LRRC4B: variants seen among roughly 807,000 people sequenced by gnomAD.
The protein encoded by LRRC4B is leucine-rich repeat-containing protein 4B.
Under a neutral mutation model 7.3 loss-of-function variants are expected in LRRC4B, and 1 was observed. The observed-to-expected ratio is 0.14, with a 90% CI of 0.05 to 0.65. The LOEUF (loss-of-function observed/expected upper bound fraction) is 0.65, where lower values mean the gene tolerates loss of function less well. LRRC4B is among the 30% of genes least tolerant of loss of function. The pLI is 0.84. For synonymous variants in LRRC4B, 500 were observed against 499.2 expected, an observed-to-expected ratio of 1.00 and a Z score of -0.02; for missense variants, 730 against 1,041.6, an observed-to-expected ratio of 0.70 and a Z score of 4.12.
chr19:50,566,291 C>T (rs1001326460), intron 1 of LRRC4B, among the ~76,000 whole-genome samples: 1 of 151,366 alleles, frequency 6.6e-6, no homozygotes, highest in Non-Finnish European at 1.5e-5. Flanking sequence ...CTGGCGGCTG[C>T]GCGGCCGGGA....
intron 2 of LRRC4B, among the ~76,000 whole-genome samples, chr19:50,544,824 G>A (rs1981728092): frequency 6.6e-6 from 1 of 152,184 alleles, no homozygotes; most frequent in Non-Finnish European, 1.5e-5. Flanking sequence ...GGAGGCCAAG[G>A]TGGGTGAATT....
Position 50,517,726 on chromosome 19 carries a change from G to A in LRRC4B, c.1987C>T (p.His663Tyr), listed in dbSNP as rs1307668906. ...TTGAAGGCGGCAGCCACGTAGTGGT[G>A]GTGGTTGAGGTGGTCTCGCTCCAGG... ...PALERDHLNH[H>Y]HYVAAAFKAH... Residue 663 changes from histidine (H) to tyrosine (Y), a missense_variant, in exon 3 of 3, where the codon CAC becomes TAC. His to Tyr is a moderately conservative substitution (Grantham distance 83). Around this residue, in one of 6 missense-constraint regions of LRRC4B, gnomAD observed 160 missense variants for 163.9 expected, o/e 0.98. Transcript: ENST00000652263. This position sits in a 1 kb window ranked among gnomAD's most constrained non-coding sequence, Gnocchi z 6.6. 3.2e-6 allele frequency: 5 copies of A among 1,547,182 alleles called. No homozygotes were observed. Among genetic ancestry groups the A allele is most frequent in the Non-Finnish European group, 4.4e-6 (5 of 1,148,494 alleles).
intron 2 of LRRC4B, among the ~76,000 whole-genome samples, chr19:50,522,758 G>A (rs989672503): frequency 3.3e-5 from 5 of 152,188 alleles, no homozygotes; most frequent in Non-Finnish European, 5.9e-5. Flanking sequence ...GATTACCGGC[G>A]TGAGCCACCT....
chr19:50,548,400 G>T lies in LRRC4B; in HGVS notation c.297+142C>A. On this transcript the variant is annotated intron_variant, in intron 2 of 2. Transcript: ENST00000652263. This position sits in a 1 kb window ranked among gnomAD's most constrained non-coding sequence, Gnocchi z 6.8. ...CTCGGGAGCCCGGCTCCAGCTGATAGGATGCAGACCCGCAGGCCACATCCA... is the reference window on the plus strand; with the variant it reads ...CTCGGGAGCCCGGCTCCAGCTGATATGATGCAGACCCGCAGGCCACATCCA... 1 of 1,188,032 alleles carries T rather than the reference G, an allele frequency of 8.4e-7. No homozygotes were observed. The highest frequency in any genetic ancestry group is 1.2e-6 in the Non-Finnish European group (1 of 854,298). The allele number at this position is 1,188,032 out of a possible 1,614,324, so 73.6% of individuals were successfully genotyped here.
intron 2 of LRRC4B, among the ~76,000 whole-genome samples, chr19:50,538,462 A>C (rs577492413): frequency 6.6e-6 from 1 of 152,200 alleles, no homozygotes; most frequent in South Asian, 2.1e-4. Context: ...CGCCTGGAAA[A>C]TGCGAACTAG....
intron 1 of LRRC4B, among the ~76,000 whole-genome samples, chr19:50,565,717 G>C (rs900492007): frequency 2.6e-5 from 4 of 151,840 alleles, no homozygotes; most frequent in Non-Finnish European, 4.4e-5. Flanking sequence ...CCGGCTCCCT[G>C]CTGGCCCCAG....
chr19:50,520,849 A>G (rs1431972489), intron 2 of LRRC4B, among the ~76,000 whole-genome samples: 3 of 152,202 alleles, frequency 2.0e-5, no homozygotes, highest in Non-Finnish European at 2.9e-5. Flanking sequence ...AAAAAAGTTA[A>G]AACTGGAGTG....
intron 2 of LRRC4B, among the ~76,000 whole-genome samples, chr19:50,543,852 C>CAAAAAAAAAAAAAAAAAAAAAA (rs36044151): frequency 1.2e-5 from 1 of 83,368 alleles, no homozygotes; most frequent in Non-Finnish European, 2.3e-5. Context: ...GCCTCCATCT[C>CAAAAAAAAAAAAAAAAAAAAAA]AAAAAAAAAA....
chr19:50,550,700 G>A (rs1982017351), intron 1 of LRRC4B, among the ~76,000 whole-genome samples: 3 of 152,172 alleles, frequency 2.0e-5, no homozygotes, highest in African/African-American at 7.2e-5. Flanking sequence ...GGGGAAAGAG[G>A]GAGCTGGGGA....
At chr19:50,544,231 G>A (rs1041916667) in intron 2 of LRRC4B, among the ~76,000 whole-genome samples, 1 of 151,904 alleles carries the variant, frequency 6.6e-6, no homozygotes, top group Non-Finnish European at 1.5e-5. Context: ...AATAGGCCGG[G>A]CGCAGTGGCT....
At chr19:50,525,959 G>A (rs80182884) in intron 2 of LRRC4B, among the ~76,000 whole-genome samples, 1,801 of 152,232 alleles carry the variant, frequency 0.012, 39 homozygotes, top group African/African-American at 0.041. Context: ...AGGCGAGGTT[G>A]CGGTGAGCCG....
At chr19:50,538,618 G>A (rs1233449790) in intron 2 of LRRC4B, among the ~76,000 whole-genome samples, 1 of 140,852 alleles carries the variant, frequency 7.1e-6, no homozygotes, top group African/African-American at 2.6e-5. Flanking sequence ...ACCTAGGCTG[G>A]AGTCCAGTGG....
intron 2 of LRRC4B, among the ~76,000 whole-genome samples, chr19:50,524,307 G>A (rs574489373): frequency 2.0e-5 from 3 of 152,284 alleles, no homozygotes; most frequent in African/African-American, 7.2e-5. Flanking sequence ...GTGCAGTGGC[G>A]CAGTCTCGGC....
At chr19:50,544,626 T>A (rs1383730384) in intron 2 of LRRC4B, among the ~76,000 whole-genome samples, 1 of 152,216 alleles carries the variant, frequency 6.6e-6, no homozygotes, top group Non-Finnish European at 1.5e-5. Context: ...GGTGTCCGAA[T>A]GCAAAGACAC....
chr19:50,541,145 C>T (rs1473798266), intron 2 of LRRC4B, among the ~76,000 whole-genome samples: 1 of 150,504 alleles, frequency 6.6e-6, no homozygotes, highest in Non-Finnish European at 1.5e-5. Context: ...GATGGCGCTA[C>T]TGCACTCCAG....
At chr19:50,528,040 C>CCT (rs974985258) in intron 2 of LRRC4B, among the ~76,000 whole-genome samples, 1 of 150,606 alleles carries the variant, frequency 6.6e-6, no homozygotes, top group African/African-American at 2.4e-5. Context: ...CGTGCCTGGC[C>CCT]CTCTCTCTCT....
At chr19:50,567,355 G>A (rs1982663343) in intron 1 of LRRC4B, among the ~76,000 whole-genome samples, 1 of 151,670 alleles carries the variant, frequency 6.6e-6, no homozygotes, top group Admixed American at 6.6e-5. Flanking sequence ...TGGGGAGGGG[G>A]TTGTCTCACT....
At chr19:50,536,731 G>A (rs1981308633) in intron 2 of LRRC4B, among the ~76,000 whole-genome samples, 1 of 152,200 alleles carries the variant, frequency 6.6e-6, no homozygotes, top group Non-Finnish European at 1.5e-5. Flanking sequence ...ATATCTGTAA[G>A]CCATGGAGAA....
intron 2 of LRRC4B, among the ~76,000 whole-genome samples, chr19:50,533,311 G>A (rs987500224): frequency 1.3e-5 from 2 of 151,864 alleles, no homozygotes; most frequent in African/African-American, 4.8e-5. Context: ...TCTCTCTACT[G>A]TATTAGAATT....
Sources: allele counts gnomAD v4.1 joint callset (sites outside exome capture counted in the v4.1 genomes callset), GRCh38; gene constraint gnomAD v4.1.1; regional missense constraint gnomAD v4.1.1; non-coding constraint Gnocchi (gnomAD v3.1); transcripts MANE v1.5; gene names NCBI Gene and HGNC (gene_info 2026-07-23, HGNC 2026-07-21).